The following TMEM132D variants were observed in gnomAD, a reference collection of about 807,000 sequenced individuals.
TMEM132D encodes mature OL transmembrane protein.
In TMEM132D, 21 loss-of-function variants were observed where a neutral mutation model predicts 62.3. The ratio of observed to expected loss-of-function variants is 0.34; its 90% CI spans 0.24 to 0.49. The LOEUF is 0.49. TMEM132D is among the 20% of genes least tolerant of loss of function. TMEM132D has a pLI of 0.99. For missense variants in TMEM132D, 1,346 were observed against 1,402.8 expected, an observed-to-expected ratio of 0.96 and a Z score of 0.65; for synonymous variants, 621 against 575.6, an observed-to-expected ratio of 1.08 and a Z score of -1.13.
chr12:129,229,307 A>C (rs1033172172), intron 4 of TMEM132D, among the ~76,000 whole-genome samples: 1 of 152,260 alleles, frequency 6.6e-6, no homozygotes, highest in Admixed American at 6.5e-5. Context: ...GAGTACACTC[A>C]GCATATATCA....
chr12:129,139,446 A>G (rs555490905), intron 5 of TMEM132D, among the ~76,000 whole-genome samples: 10 of 152,300 alleles, frequency 6.6e-5, no homozygotes, highest in East Asian at 1.9e-4. Flanking sequence ...AATCCTGCTG[A>G]ACATCAACCT....
At chr12:129,866,382 G>A (rs1429389835) in intron 1 of TMEM132D, among the ~76,000 whole-genome samples, 1 of 144,884 alleles carries the variant, frequency 6.9e-6, no homozygotes, top group African/African-American at 2.5e-5. Context: ...TCATAGGTGG[G>A]AATTGAACAA....
chr12:129,631,778 T>C (rs867554422), intron 2 of TMEM132D, among the ~76,000 whole-genome samples: 14 of 152,144 alleles, frequency 9.2e-5, no homozygotes, highest in African/African-American at 3.4e-4. Context: ...ACCTTTTTGA[T>C]TGACAACCAG....
chr12:129,599,708 A>C (rs1429613794), intron 2 of TMEM132D, among the ~76,000 whole-genome samples: 2 of 152,228 alleles, frequency 1.3e-5, no homozygotes, highest in Non-Finnish European at 2.9e-5. Context: ...AAAGTGAGTC[A>C]CACATTTTTT....
At chr12:129,711,483 T>C (rs1240802535) in intron 1 of TMEM132D, among the ~76,000 whole-genome samples, 1 of 152,194 alleles carries the variant, frequency 6.6e-6, no homozygotes. Flanking sequence ...CCCAGCACTT[T>C]GGGAGGCCAT....
chr12:129,900,077 T>G (rs1488094868), intron 1 of TMEM132D, among the ~76,000 whole-genome samples: 1 of 152,244 alleles, frequency 6.6e-6, no homozygotes, highest in Non-Finnish European at 1.5e-5. Context: ...AATTTCATGA[T>G]GCAGATATTA....
chr12:129,291,613 A>G (rs1355145402), intron 4 of TMEM132D, among the ~76,000 whole-genome samples: 1 of 152,214 alleles, frequency 6.6e-6, no homozygotes, highest in African/African-American at 2.4e-5. Flanking sequence ...AACACAGGCT[A>G]TGAAATTAGA....
At chr12:129,267,523 T>C (rs1041520011) in intron 4 of TMEM132D, among the ~76,000 whole-genome samples, 1 of 152,038 alleles carries the variant, frequency 6.6e-6, no homozygotes, top group Admixed American at 6.6e-5. Flanking sequence ...CACTGCTCAA[T>C]GAAATAAGAG....
At chr12:129,840,599 C>T (rs1046369549) in intron 1 of TMEM132D, 11 of 152,184 alleles carry the variant, frequency 7.2e-5, no homozygotes, top group South Asian at 2.1e-4. Flanking sequence ...AAGGCACACA[C>T]AGAAAGTAAA....
At chr12:129,864,904 T>C (rs1038831312) in intron 1 of TMEM132D, among the ~76,000 whole-genome samples, 1 of 152,156 alleles carries the variant, frequency 6.6e-6, no homozygotes, top group Non-Finnish European at 1.5e-5. Flanking sequence ...CCACAACCAA[T>C]TAGACAAGGT....
chr12:129,783,974 C>T (rs569864253), intron 1 of TMEM132D, among the ~76,000 whole-genome samples: 11 of 152,256 alleles, frequency 7.2e-5, no homozygotes, highest in Middle Eastern at 3.4e-3. Context: ...GTTTTTTCCC[C>T]ATCCCGTTCC....
At chr12:129,633,991 C>T (rs534339307) in intron 2 of TMEM132D, among the ~76,000 whole-genome samples, 1 of 152,202 alleles carries the variant, frequency 6.6e-6, no homozygotes, top group African/African-American at 2.4e-5. Flanking sequence ...CATATATCTC[C>T]GTGTTGCGGA....
chr12:129,343,239 T>G (rs1450749393), intron 3 of TMEM132D, among the ~76,000 whole-genome samples: 1 of 152,188 alleles, frequency 6.6e-6, no homozygotes, highest in Non-Finnish European at 1.5e-5. Context: ...TGGAATACTA[T>G]GCAGCCATAA....
chr12:129,619,902 G>A (rs892384568), intron 2 of TMEM132D, among the ~76,000 whole-genome samples: 8 of 152,164 alleles, frequency 5.3e-5, no homozygotes, highest in Admixed American at 4.6e-4. Context: ...GAGCATTCAG[G>A]ATATGAAAAC....
chr12:129,803,554 A>G (rs2137309507), intron 1 of TMEM132D, among the ~76,000 whole-genome samples: 1 of 151,256 alleles, frequency 6.6e-6, no homozygotes, highest in Non-Finnish European at 1.5e-5. Context: ...GTAGAGGGAA[A>G]TTTATAGCAC....
Position 129,749,620 on chromosome 12 carries a change from C to A in TMEM132D, c.80-48922G>T, listed in dbSNP as rs528564509. Among the ~76,000 whole-genome samples, 4 of 93,722 alleles carry A rather than the reference C, an allele frequency of 4.3e-5. No homozygotes were observed. The South Asian group carries it at 1.9e-3, about 45-fold the overall frequency. The allele number at this position is 93,722 out of a possible 152,430, so 61.5% of individuals were successfully genotyped here. ...TAGAGGTATGAGCCACCATGCCCCACTAATTTTTTTTTGTGTGTACTTTTA... is the reference window on the plus strand; with the variant it reads ...TAGAGGTATGAGCCACCATGCCCCAATAATTTTTTTTTGTGTGTACTTTTA... On this transcript the variant is annotated intron_variant, in intron 1 of 8. Transcript: ENST00000422113.
rs1441231858 is a variant in TMEM132D, at chr12:129,473,318, G to GTTTTTTTTTTTT, written c.1115+57740_1115+57741insAAAAAAAAAAAA. 6.9e-5 allele frequency among the ~76,000 whole-genome samples: 4 copies of GTTTTTTTTTTTT among 57,784 alleles called. 1 individual carries two copies. Among genetic ancestry groups the GTTTTTTTTTTTT allele is most frequent in the African/African-American group, 1.9e-4 (3 of 15,804 alleles). 37.9% of individuals were successfully genotyped at this position (57,784 alleles called of 152,430 possible). ...AGTTTTTGGCAATAAAGTGATTTTA[G>GTTTTTTTTTTTT]TTTTTGTTTTTTTTTTTTTTTTTTT... On this transcript the variant is annotated intron_variant, in intron 3 of 8. Coordinates refer to ENST00000422113, the MANE Select transcript of TMEM132D (RefSeq NM_133448.3).
At chr12:129,471,313 C>A (rs1874087473) in intron 3 of TMEM132D, among the ~76,000 whole-genome samples, 1 of 151,590 alleles carries the variant, frequency 6.6e-6, no homozygotes, top group Non-Finnish European at 1.5e-5. Context: ...GTGTCTCTGG[C>A]ACATTTTGAT....
At chr12:129,229,399 C>T (rs909643717) in intron 4 of TMEM132D, among the ~76,000 whole-genome samples, 2 of 152,164 alleles carry the variant, frequency 1.3e-5, no homozygotes, top group Non-Finnish European at 2.9e-5. Flanking sequence ...ACATCAATTC[C>T]ATGAAACCCA....
Sources: allele counts gnomAD v4.1 joint callset (sites outside exome capture counted in the v4.1 genomes callset), GRCh38; gene constraint gnomAD v4.1.1; transcripts MANE v1.5; gene names NCBI Gene and HGNC (gene_info 2026-07-23, HGNC 2026-07-21).